The following TMEM132B variants were observed in gnomAD, a reference collection of about 807,000 sequenced individuals.
The protein encoded by TMEM132B is transmembrane protein 132B.
Under a neutral mutation model 90.8 loss-of-function variants are expected in TMEM132B, and 18 were observed. That is an observed-to-expected ratio of 0.20 (90% confidence interval 0.14 to 0.29). The LOEUF is 0.29. TMEM132B is among the 10% of genes least tolerant of loss of function. The pLI is 1.00. For synonymous variants in TMEM132B, 504 were observed against 523.3 expected (o/e 0.96, Z 0.50); for missense variants, 1,096 against 1,326.8 (o/e 0.83, Z 2.70).
intron 1 of TMEM132B, among the ~76,000 whole-genome samples, chr12:125,308,012 GTATA>G (rs1876035214): frequency 7.8e-6 from 1 of 128,082 alleles, no homozygotes; most frequent in African/African-American, 2.8e-5. Flanking sequence ...AGTAATATAA[GTATA>G]TATAAGTAAT....
At chr12:125,434,817 T>C (rs539430125) in intron 3 of TMEM132B, among the ~76,000 whole-genome samples, 1 of 147,938 alleles carries the variant, frequency 6.8e-6, no homozygotes, top group South Asian at 2.1e-4. Context: ...TTCCTTTTAT[T>C]GTAAACCCCT....
At chr12:125,238,738 C>T (rs1010559654) in intron 1 of TMEM132B, among the ~76,000 whole-genome samples, 1 of 152,154 alleles carries the variant, frequency 6.6e-6, no homozygotes, top group Admixed American at 6.5e-5. Context: ...TTTTACAGAC[C>T]TGTATTGATT....
chr12:125,212,047 T>C (rs1485048763), intron 1 of TMEM132B, among the ~76,000 whole-genome samples: 1 of 152,228 alleles, frequency 6.6e-6, no homozygotes, highest in African/African-American at 2.4e-5. Flanking sequence ...TCAGGGACCA[T>C]GGCAGCCTTC....
At chr12:125,595,180 C>T (rs1885411732) in intron 5 of TMEM132B, among the ~76,000 whole-genome samples, 2 of 152,078 alleles carry the variant, frequency 1.3e-5, no homozygotes, top group African/African-American at 2.4e-5. Flanking sequence ...CTTTCTTTGC[C>T]CTTAGCTGGC....
rs370452958 is a variant in TMEM132B, at chr12:125,350,236, C to T, written c.852C>T (p.Asp284=). Reference sequence around the variant, plus strand: ...TGAAGTGGTCCCTGGTGAGCTTGGACGAGAATGTGGTCATCTCGGTACCTC... The same window carrying T: ...TGAAGTGGTCCCTGGTGAGCTTGGATGAGAATGTGGTCATCTCGGTACCTC... ...DDLKWSLVSL[D]ENVVISVPLN... Residue 284 remains aspartate, a synonymous_variant, in exon 2 of 9, where the codon GAC becomes GAT. Coordinates refer to ENST00000682704, the MANE Select transcript of TMEM132B (RefSeq NM_001366854.1). 48 of 1,613,926 alleles carry T rather than the reference C, an allele frequency of 3.0e-5. 1 individual carries two copies. Among genetic ancestry groups the T allele is most frequent in the Non-Finnish European group, 3.8e-5 (45 of 1,180,030 alleles).
At chr12:125,599,414 G>A (rs959197477) in intron 5 of TMEM132B, among the ~76,000 whole-genome samples, 12 of 152,074 alleles carry the variant, frequency 7.9e-5, no homozygotes, top group African/African-American at 2.9e-4. Context: ...ATACAGGGAG[G>A]AAAAAATCTT....
chr12:125,613,420 G>A (rs1489884569), intron 5 of TMEM132B, among the ~76,000 whole-genome samples: 3 of 150,694 alleles, frequency 2.0e-5, no homozygotes, highest in Admixed American at 6.7e-5. Context: ...CTGCCTATTT[G>A]TTGAATTGTT....
At chr12:125,371,306 A>G (rs904973027) in intron 2 of TMEM132B, among the ~76,000 whole-genome samples, 1 of 152,148 alleles carries the variant, frequency 6.6e-6, no homozygotes, top group Non-Finnish European at 1.5e-5. Context: ...ACCCAGAAAC[A>G]CCCAGATAGA....
In TMEM132B at chr12:125,421,323, A is replaced by T. The variant is rs138700089; in HGVS notation, c.1106+5646A>T. Reference sequence around the variant, plus strand: ...TTTATAAAGGAAAGAGGTCTAATTGACTTACAGTTCCACATGGCTGGGGAG... The same window carrying T: ...TTTATAAAGGAAAGAGGTCTAATTGTCTTACAGTTCCACATGGCTGGGGAG... On this transcript the variant is annotated intron_variant, in intron 3 of 8. Coordinates refer to ENST00000682704, the MANE Select transcript of TMEM132B (RefSeq NM_001366854.1). 7.6e-3 allele frequency among the ~76,000 whole-genome samples: 1,156 copies of T among 152,316 alleles called. 16 individuals carry two copies. The highest frequency in any genetic ancestry group is 0.025 in the African/African-American group (1,055 of 41,564).
chr12:125,627,518 G>C (rs190969176), intron 5 of TMEM132B, among the ~76,000 whole-genome samples: 3 of 150,038 alleles, frequency 2.0e-5, no homozygotes, highest in African/African-American at 4.9e-5. Flanking sequence ...TAAGTTTGAG[G>C]GTTTTTTAAC....
chr12:125,589,342 CGTA>C (rs1566082601), intron 5 of TMEM132B, among the ~76,000 whole-genome samples: 2 of 151,866 alleles, frequency 1.3e-5, no homozygotes. Context: ...ATTAGCCGGG[CGTA>C]GTGGCGGGGG....
intron 3 of TMEM132B, among the ~76,000 whole-genome samples, chr12:125,471,860 T>C (rs1416880676): frequency 6.6e-6 from 1 of 152,164 alleles, no homozygotes; most frequent in Non-Finnish European, 1.5e-5. Context: ...CTTGTCCAAG[T>C]CACACAAGGG....
intron 3 of TMEM132B, among the ~76,000 whole-genome samples, chr12:125,489,917 TCTA>T (rs1882305205): frequency 6.6e-6 from 1 of 152,194 alleles, no homozygotes; most frequent in Non-Finnish European, 1.5e-5. Context: ...CATAAAAACT[TCTA>T]AGAATTTTGG....
chr12:125,251,486 G>C lies in TMEM132B; in HGVS notation c.67+64620G>C, dbSNP rs535568594. On this transcript the variant is annotated intron_variant, in intron 1 of 8. Coordinates refer to ENST00000682704, the MANE Select transcript of TMEM132B (RefSeq NM_001366854.1). This position sits in a 1 kb window ranked among gnomAD's most constrained non-coding sequence, Gnocchi z 4.4. Reference sequence around the variant, plus strand: ...CAGGGCTCACACAGGAAATGTATGAGAGGGAAGAAGTCTGGGTTTAAGAAA... The same window carrying C: ...CAGGGCTCACACAGGAAATGTATGACAGGGAAGAAGTCTGGGTTTAAGAAA... Among the ~76,000 whole-genome samples the C allele has an allele frequency of 6.6e-6, 1 of 152,198 alleles. No individual in the cohort carries two copies. Among genetic ancestry groups the C allele is most frequent in the Non-Finnish European group, 1.5e-5 (1 of 68,042 alleles).
chr12:125,469,260 C>G (rs1281673880), intron 3 of TMEM132B, among the ~76,000 whole-genome samples: 1 of 152,154 alleles, frequency 6.6e-6, no homozygotes, highest in Non-Finnish European at 1.5e-5. Flanking sequence ...CCCTCTACTC[C>G]TAGTTCTCAA....
At chr12:125,217,364 T>C (rs974678665) in intron 1 of TMEM132B, among the ~76,000 whole-genome samples, 15 of 152,228 alleles carry the variant, frequency 9.9e-5, no homozygotes, top group African/African-American at 3.6e-4. Context: ...CCAGTACTTT[T>C]AGGTCATTCT....
At position 125,656,387 on chromosome 12, in the gene TMEM132B, T is replaced by C. The variant is rs1344160684; in HGVS notation, c.*1677T>C. On this transcript the variant is annotated 3_prime_UTR_variant, in exon 9 of 9. Coordinates refer to ENST00000682704, the MANE Select transcript of TMEM132B (RefSeq NM_001366854.1). Reference sequence around the variant, plus strand: ...AGTTGTTCTCTTATTATAGATTTCCTTGGGTGGGAACATGACAACCCCGCC... The same window carrying C: ...AGTTGTTCTCTTATTATAGATTTCCCTGGGTGGGAACATGACAACCCCGCC... 1 of 152,298 alleles carries C rather than the reference T, an allele frequency of 6.6e-6. No individual in the cohort carries two copies. The highest frequency in any genetic ancestry group is 2.4e-5 in the African/African-American group (1 of 41,570). 9.4% of individuals were successfully genotyped at this position (152,298 alleles called of 1,614,324 possible). A position where few individuals can be genotyped will look rare whatever the true frequency, so the allele number is the denominator to read the frequency against.
At position 125,650,720 on chromosome 12, in the gene TMEM132B, A is replaced by G; in HGVS notation, c.1681A>G (p.Lys561Glu). 6.2e-7 allele frequency: 1 copy of G among 1,612,648 alleles called. No homozygotes were observed. The highest frequency in any genetic ancestry group is 8.5e-7 in the Non-Finnish European group (1 of 1,178,738). ...AAGCGATGACGAGGACGATGAGGAG[A>G]AGAAGGGACGAGGCTGCTCCCTGCA... ...RESDDEDDEE[K>E]KGRGCSLQYQ... The change falls in exon 7 of 9, where the codon AAG becomes GAG. Residue 561 changes from lysine to glutamate, a missense_variant. Coordinates refer to ENST00000682704, the MANE Select transcript of TMEM132B (RefSeq NM_001366854.1).
intron 3 of TMEM132B, among the ~76,000 whole-genome samples, chr12:125,481,706 C>T (rs992252882): frequency 2.0e-5 from 3 of 152,102 alleles, no homozygotes; most frequent in African/African-American, 7.2e-5. Flanking sequence ...CAGTGCCATC[C>T]CCATCAAGCT....
Sources: gnomAD v4.1 joint callset for allele counts (sites outside exome capture counted in the v4.1 genomes callset) on GRCh38, gnomAD v4.1.1 for gene constraint, Gnocchi (gnomAD v3.1) non-coding constraint, MANE v1.5 for transcripts, NCBI Gene and HGNC (gene_info 2026-07-23, HGNC 2026-07-21) for gene names.